RANBP2: variants seen among roughly 807,000 people sequenced by gnomAD.
RANBP2 encodes RAN binding protein 2.
In RANBP2, 57 loss-of-function variants were observed where a neutral mutation model predicts 303.6. The observed-to-expected ratio is 0.19, with a 90% CI of 0.15 to 0.23. RANBP2 has a LOEUF of 0.23. RANBP2 is among the 10% of genes least tolerant of loss of function. The pLI, the probability that RANBP2 is intolerant of heterozygous loss-of-function variation, is 1.00. For synonymous variants in RANBP2, 1,167 were observed against 1,301.5 expected, an observed-to-expected ratio of 0.90 and a Z score of 2.23; for missense variants, 3,138 against 3,780.8, an observed-to-expected ratio of 0.83 and a Z score of 4.46.
the RANBP2 span, among the ~76,000 whole-genome samples, chr2:109,198,846 G>A: frequency 3.3e-5 from 5 of 152,210 alleles, no homozygotes; most frequent in South Asian, 1.0e-3. Context: ...CTGCAGACCT[G>A]TGCAGGATGT....
At chr2:109,516,948 CAGCAAA>C in the RANBP2 span, among the ~76,000 whole-genome samples, 2 of 152,132 alleles carry the variant, frequency 1.3e-5, no homozygotes, top group Non-Finnish European at 2.9e-5. Flanking sequence ...TTCCTGGCCT[CAGCAAA>C]ATGAGCCCCA....
the RANBP2 span, among the ~76,000 whole-genome samples, chr2:109,101,378 T>C: frequency 3.3e-5 from 5 of 151,696 alleles, no homozygotes. Context: ...ATACAAAAAA[T>C]CAGACAGAGG....
the RANBP2 span, among the ~76,000 whole-genome samples, chr2:109,481,192 C>T: frequency 6.6e-6 from 1 of 152,184 alleles, no homozygotes; most frequent in African/African-American, 2.4e-5. Flanking sequence ...GAGGGGGAGG[C>T]CGGGGCCCTG....
chr2:109,512,237 T>C, the RANBP2 span, among the ~76,000 whole-genome samples: 2 of 152,202 alleles, frequency 1.3e-5, no homozygotes, highest in African/African-American at 4.8e-5. Context: ...CTTTGCTGCA[T>C]GCATGCCTTG....
chr2:108,857,066 CTTTTTTTTTTTTTTTTTTTT>C, the RANBP2 span: 1 of 43,056 alleles, frequency 2.3e-5, no homozygotes, highest in African/African-American at 1.2e-4. Flanking sequence ...GATACTATTG[CTTTTTTTTTTTTTTTTTTTT>C]TTTTTTTTTT....
the RANBP2 span, among the ~76,000 whole-genome samples, chr2:109,572,270 A>C: frequency 6.6e-6 from 1 of 152,118 alleles, no homozygotes; most frequent in Non-Finnish European, 1.5e-5. Flanking sequence ...AGCCGGGACT[A>C]CTGGCGCATG....
In RANBP2 at chr2:108,769,555, G is replaced by A. The variant is rs1232246298; in HGVS notation, c.7849+1167G>A. On this transcript the variant is annotated intron_variant, in intron 20 of 28. Transcript: ENST00000283195. ...ATGTACTGGGATGCTGATTTGTAAT[G>A]TACTTCATTGCTCTGCTATTTCAGG... Among the ~76,000 whole-genome samples, 10 of 150,008 alleles carry A rather than the reference G, an allele frequency of 6.7e-5. No homozygotes were observed. In the South Asian group the frequency reaches 1.7e-3, roughly 25 times the overall value.
the RANBP2 span, among the ~76,000 whole-genome samples, chr2:109,517,003 G>A: frequency 1.3e-5 from 2 of 152,086 alleles, no homozygotes; most frequent in African/African-American, 2.4e-5. Flanking sequence ...AAGGGTGATC[G>A]CAGCCCTACC....
rs756463437 is a variant in RANBP2 at position 108,764,451 on chromosome 2, T to C, written c.3912T>C (p.Ile1304=). Residue 1304 remains isoleucine (I), a synonymous_variant, in exon 20 of 29, where the codon ATT becomes ATC. Transcript: ENST00000283195. ...GCAAGTTTGAAGAAGCCCAGAGCAT[T>C]TTAAAAGCCCCAGGAACAAATGTAG... ...FKCKFEEAQS[I]LKAPGTNVAM... is the part of the protein sequence containing the mutation. The C allele has an allele frequency of 6.2e-7, 1 of 1,613,934 alleles. No homozygotes were observed. Among genetic ancestry groups the C allele is most frequent in the Non-Finnish European group, 8.5e-7 (1 of 1,179,968 alleles).
At chr2:109,662,982 T>A in the RANBP2 span, among the ~76,000 whole-genome samples, 1 of 152,174 alleles carries the variant, frequency 6.6e-6, no homozygotes, top group Non-Finnish European at 1.5e-5. Context: ...TCAAAAGACT[T>A]CCATTGCTTC....
Position 108,764,229 on chromosome 2 carries a change from T to G in RANBP2, c.3690T>G (p.Ile1230Met). 6.2e-7 allele frequency: 1 copy of G among 1,614,036 alleles called. No individual in the cohort carries two copies. Reference protein sequence around the residue: ...KILRHKTSGKIRLLMRREQVL... With the variant: ...KILRHKTSGKMRLLMRREQVL... ...TGAGGCATAAAACATCTGGTAAAAT[T>G]CGCCTTCTAATGAGACGAGAGCAAG... The change falls in exon 20 of 29, where the codon ATT becomes ATG. Residue 1230 changes from isoleucine (I) to methionine (M), a missense_variant. Transcript: ENST00000283195.
the RANBP2 span, among the ~76,000 whole-genome samples, chr2:109,623,587 G>A: frequency 6.6e-6 from 1 of 152,226 alleles, no homozygotes; most frequent in South Asian, 2.1e-4. Context: ...GGCGACTCCA[G>A]TTTCTGTGTG....
chr2:109,107,732 G>A, the RANBP2 span, among the ~76,000 whole-genome samples: 1 of 152,090 alleles, frequency 6.6e-6, no homozygotes, highest in Non-Finnish European at 1.5e-5. Flanking sequence ...TATTTAACCT[G>A]CAGCAACTTT....
the RANBP2 span, among the ~76,000 whole-genome samples, chr2:109,566,225 A>T: frequency 6.6e-6 from 1 of 151,996 alleles, no homozygotes; most frequent in Non-Finnish European, 1.5e-5. Flanking sequence ...GGTTCCAGTG[A>T]TTCTCCTACC....
the RANBP2 span, among the ~76,000 whole-genome samples, chr2:108,850,081 G>T: frequency 2.0e-5 from 3 of 152,132 alleles, no homozygotes; most frequent in Admixed American, 6.5e-5. Flanking sequence ...ATGGTCCTCG[G>T]AACTACTGTC....
the RANBP2 span, among the ~76,000 whole-genome samples, chr2:109,522,198 C>G: frequency 6.6e-6 from 1 of 151,856 alleles, no homozygotes; most frequent in East Asian, 1.9e-4. Context: ...CTCCGGTGAT[C>G]TGTGTCAATC....
At chr2:108,938,805 C>G in the RANBP2 span, among the ~76,000 whole-genome samples, 5 of 149,012 alleles carry the variant, frequency 3.4e-5, no homozygotes, top group Non-Finnish European at 7.4e-5. Flanking sequence ...GCCCCACCCC[C>G]CAGAGTCTTG....
chr2:108,809,661 A>C, the RANBP2 span, among the ~76,000 whole-genome samples: 149 of 152,062 alleles, frequency 9.8e-4, no homozygotes, highest in African/African-American at 3.4e-3. Context: ...AATGCTACTG[A>C]TTTTTGTATG....
At chr2:108,791,994 T>G in the RANBP2 span, among the ~76,000 whole-genome samples, 10 of 152,198 alleles carry the variant, frequency 6.6e-5, no homozygotes, top group African/African-American at 2.4e-4. Context: ...AACTTCATTA[T>G]TTTTCAGTAA....
Sources: gnomAD v4.1 joint callset for allele counts (sites outside exome capture counted in the v4.1 genomes callset) on GRCh38, gnomAD v4.1.1 for gene constraint, MANE v1.5 for transcripts, NCBI Gene and HGNC (gene_info 2026-07-23, HGNC 2026-07-21) for gene names.